C2CD3: variants seen among roughly 807,000 people sequenced by gnomAD.
C2CD3 encodes C2 domain-containing protein 3.
A neutral mutation model predicts 234.0 loss-of-function variants in C2CD3; 148 were observed. That is an observed-to-expected ratio of 0.63 (90% CI 0.55 to 0.72). The LOEUF (loss-of-function observed/expected upper bound fraction) is 0.72. Ranked by LOEUF, C2CD3 falls within the 30% of genes least tolerant of loss-of-function variation. The pLI is 0.00. For missense variants in C2CD3, 2,577 were observed against 2,811.5 expected (o/e 0.92, Z 1.89); for synonymous variants, 1,000 against 1,035.4 (o/e 0.97, Z 0.66).
chr11:74,117,202 A>G lies in C2CD3; in HGVS notation c.1520+1026T>C, dbSNP rs1314279994. ...TATATATGAATATATATATATGAAT[A>G]TATATATATGAATATATATATATGA... On this transcript the variant is annotated intron_variant, in intron 9 of 32. Coordinates refer to ENST00000334126, the MANE Select transcript of C2CD3 (RefSeq NM_001286577.2). Among the ~76,000 whole-genome samples the G allele has an allele frequency of 1.1e-4, 6 of 56,948 alleles. 1 individual carries two copies. In the Admixed American group the frequency reaches 1.1e-3, roughly 11 times the overall value. The allele number at this position is 56,948 out of a possible 152,430, so 37.4% of individuals were successfully genotyped here.
chr11:74,137,392 GTCAACAAATATC>G (rs1393980209), intron 5 of C2CD3, among the ~76,000 whole-genome samples: 1 of 151,920 alleles, frequency 6.6e-6, no homozygotes, highest in Non-Finnish European at 1.5e-5. Flanking sequence ...TGCTTATTGA[GTCAACAAATATC>G]TTTCCTAAAG....
chr11:74,055,708 A>T (rs1186688755), intron 25 of C2CD3, among the ~76,000 whole-genome samples: 1 of 152,226 alleles, frequency 6.6e-6, no homozygotes, highest in Non-Finnish European at 1.5e-5. Context: ...ATGGGATAAT[A>T]CTATTGACCT....
chr11:74,117,784 A>G (rs1590856534), intron 9 of C2CD3, among the ~76,000 whole-genome samples: 1 of 152,038 alleles, frequency 6.6e-6, no homozygotes, highest in African/African-American at 2.4e-5. Context: ...ATGGGGGCAC[A>G]TGCCTGTAAT....
intron 18 of C2CD3, 127 bp downstream of exon 18, chr11:74,093,689 C>A: frequency 1.6e-6 from 1 of 625,804 alleles, no homozygotes; most frequent in South Asian, 2.8e-5. Flanking sequence ...ATCCAAATAA[C>A]ATAAAACAGG....
chr11:74,048,366 A>T (rs376207419), intron 27 of C2CD3, 28 bp from the exon 28 acceptor site: 1 of 1,611,018 alleles, frequency 6.2e-7, no homozygotes, highest in South Asian at 1.1e-5. Context: ...AAAATGGTAC[A>T]CTTGTCACCA....
At chr11:74,170,008 C>G (rs918132180) in intron 1 of C2CD3, among the ~76,000 whole-genome samples, 2 of 152,142 alleles carry the variant, frequency 1.3e-5, no homozygotes, top group Admixed American at 1.3e-4. Flanking sequence ...GATTCAATGT[C>G]AAGTTTCCTG....
At chr11:74,032,975 A>G (rs1259285791) in intron 31 of C2CD3, among the ~76,000 whole-genome samples, 1 of 152,118 alleles carries the variant, frequency 6.6e-6, no homozygotes, top group Non-Finnish European at 1.5e-5. Flanking sequence ...AAATGTACAT[A>G]AAGTGCTCAA....
chr11:74,040,072 C>A (rs1952949253), intron 29 of C2CD3, among the ~76,000 whole-genome samples: 2 of 152,184 alleles, frequency 1.3e-5, no homozygotes, highest in Admixed American at 1.3e-4. Context: ...AGGAACTGGG[C>A]CGCACAGCAG....
chr11:74,051,125 A>AAAAAC lies in C2CD3; in HGVS notation c.5156-1588_5156-1584dup, dbSNP rs199649718. The stretch of plus-strand genomic sequence containing the variant: ...AACATAACATGACCCCATCTCTAAA[A>AAAAAC]AAAACAAAACAAAACAAAAAATTTG... On this transcript the variant is annotated intron_variant, in intron 26 of 32. Coordinates refer to ENST00000334126, the MANE Select transcript of C2CD3 (RefSeq NM_001286577.2). 4.3e-3 allele frequency among the ~76,000 whole-genome samples: 651 copies of AAAAAC among 151,208 alleles called. 7 individuals carry two copies. The highest frequency in any genetic ancestry group is 0.038 in the East Asian group (196 of 5,166).
At chr11:74,107,689 A>G (rs1265385121) in intron 12 of C2CD3, among the ~76,000 whole-genome samples, 1 of 152,232 alleles carries the variant, frequency 6.6e-6, no homozygotes, top group South Asian at 2.1e-4. Context: ...AATAAAACCT[A>G]CATACAAAAT....
chr11:74,078,659 C>T lies in C2CD3; in HGVS notation c.4059G>A (p.Leu1353=). 5 of 1,614,080 alleles carry T rather than the reference C, an allele frequency of 3.1e-6. No individual in the cohort carries two copies. Among genetic ancestry groups the T allele is most frequent in the South Asian group, 1.1e-5 (1 of 91,080 alleles). Residue 1353 remains leucine, a synonymous_variant, in exon 23 of 33, where the codon CTG becomes CTA. Transcript: ENST00000334126. ...LPEDGGLPHG[L]ELMQKIVGGL... ...CACCCACGATCTTCTGCATGAGCTC[C>T]AGGCCATGAGGTAGGCCCCCGTCTT...
intron 3 of C2CD3, among the ~76,000 whole-genome samples, chr11:74,149,221 A>G (rs1220774214): frequency 6.6e-6 from 1 of 152,218 alleles, no homozygotes. Flanking sequence ...TATAGTAAAC[A>G]CTGATTATTG....
At chr11:74,069,122 G>A (rs826035) in intron 24 of C2CD3, among the ~76,000 whole-genome samples, 49,689 of 152,090 alleles carry the variant, frequency 0.33, 10,578 homozygotes, top group African/African-American at 0.61. Flanking sequence ...TTTTAAAGCT[G>A]CTATTTGCTA....
At chr11:74,076,728 T>G (rs531694033) in intron 23 of C2CD3, among the ~76,000 whole-genome samples, 1 of 152,296 alleles carries the variant, frequency 6.6e-6, no homozygotes, top group East Asian at 1.9e-4. Flanking sequence ...CTCATTCTCC[T>G]GTACTTTGAC....
intron 9 of C2CD3, among the ~76,000 whole-genome samples, chr11:74,117,084 A>ACGTGTGTG (rs1957012107): frequency 1.4e-5 from 1 of 73,172 alleles, no homozygotes; most frequent in Non-Finnish European, 2.6e-5. Flanking sequence ...GAATATATAT[A>ACGTGTGTG]TGAATATATA....
At chr11:74,116,676 G>A (rs764553518) in intron 9 of C2CD3, among the ~76,000 whole-genome samples, 1 of 151,554 alleles carries the variant, frequency 6.6e-6, no homozygotes, top group Non-Finnish European at 1.5e-5. Context: ...ACTTGTACTT[G>A]CATGCTTATA....
chr11:74,045,864 C>T (rs145267844), intron 28 of C2CD3, among the ~76,000 whole-genome samples: 298 of 152,234 alleles, frequency 2.0e-3, no homozygotes, highest in Middle Eastern at 6.8e-3. Flanking sequence ...TGAGAGACCA[C>T]GCCCAGCCTC....
intron 5 of C2CD3, among the ~76,000 whole-genome samples, chr11:74,135,064 C>CA (rs537058894): frequency 2.0e-4 from 31 of 151,780 alleles, no homozygotes; most frequent in Non-Finnish European, 3.4e-4. Context: ...AAAAAAAATC[C>CA]AAAATCTTAA....
chr11:74,062,784 T>C (rs12290061), intron 24 of C2CD3, among the ~76,000 whole-genome samples: 6,339 of 150,576 alleles, frequency 0.042, 388 homozygotes, highest in African/African-American at 0.14. Context: ...CAGAGCAGAA[T>C]TGAAGGAGAT....
Sources: allele counts gnomAD v4.1 joint callset (sites outside exome capture counted in the v4.1 genomes callset), GRCh38; gene constraint gnomAD v4.1.1; transcripts MANE v1.5; gene names NCBI Gene and HGNC (gene_info 2026-07-23, HGNC 2026-07-21).